The following MSI2 variants were observed in gnomAD, a reference collection of about 807,000 sequenced individuals.
MSI2 encodes RNA-binding protein Musashi homolog 2.
A neutral mutation model predicts 45.6 loss-of-function variants in MSI2; 17 were observed. The ratio of observed to expected loss-of-function variants is 0.37; its 90% CI spans 0.26 to 0.56. The LOEUF (loss-of-function observed/expected upper bound fraction) is 0.56. Ranked by LOEUF, MSI2 falls within the 20% of genes least tolerant of loss-of-function variation. The pLI is 0.77. For synonymous variants in MSI2, 156 were observed against 158.2 expected (o/e 0.99, Z 0.11); for missense variants, 293 against 444.2 (o/e 0.66, Z 3.06).
At chr17:57,359,083 G>C (rs968809458) in intron 5 of MSI2, among the ~76,000 whole-genome samples, 8 of 152,058 alleles carry the variant, frequency 5.3e-5, no homozygotes, top group Non-Finnish European at 1.0e-4. Flanking sequence ...CCAGTGGCAG[G>C]GGCCCCTTCC....
chr17:57,701,500 G>A, the MSI2 span, among the ~76,000 whole-genome samples: 14 of 152,246 alleles, frequency 9.2e-5, no homozygotes, highest in East Asian at 5.8e-4. Context: ...GGTGCTCACC[G>A]GACACTGAAG....
At chr17:57,262,339 G>A (rs1169343096) in intron 5 of MSI2, 147 bp downstream of exon 5, 8 of 778,730 alleles carry the variant, frequency 1.0e-5, no homozygotes, top group Non-Finnish European at 1.4e-5. Context: ...AAGTAGTCCT[G>A]TGAGATAACC....
At chr17:57,414,403 T>G (rs1204778975) in intron 6 of MSI2, among the ~76,000 whole-genome samples, 1 of 152,032 alleles carries the variant, frequency 6.6e-6, no homozygotes, top group Non-Finnish European at 1.5e-5. Flanking sequence ...TTTTTTTTTT[T>G]TTTGAGACAG....
chr17:57,677,382 TG>T (rs1913309027), intron 13 of MSI2, among the ~76,000 whole-genome samples: 1 of 152,208 alleles, frequency 6.6e-6, no homozygotes, highest in Non-Finnish European at 1.5e-5. Flanking sequence ...TGTGGGAAAC[TG>T]GAAGGAGATC....
At chr17:57,292,872 C>T (rs908238806) in intron 5 of MSI2, among the ~76,000 whole-genome samples, 3 of 152,170 alleles carry the variant, frequency 2.0e-5, no homozygotes, top group African/African-American at 4.8e-5. Context: ...AAGAGCCTCC[C>T]TCTCACAGGT....
At position 57,563,746 on chromosome 17, in the gene MSI2, G is replaced by GCGCA. The variant is rs534460755; in HGVS notation, c.455-33121_455-33120insGCAC. 1.6e-3 allele frequency among the ~76,000 whole-genome samples: 227 copies of GCGCA among 139,396 alleles called. 1 individual carries two copies. The highest frequency in any genetic ancestry group is 0.01 in the Middle Eastern group (3 of 288). The allele number at this position is 139,396 out of a possible 152,430, so 91.4% of individuals were successfully genotyped here. Reference sequence around the variant, plus strand: ...TTCCCTCTCACACACACACAGGCGCGCACACACACACACACACACACACAC... The same window carrying GCGCA: ...TTCCCTCTCACACACACACAGGCGCGCGCACACACACACACACACACACACACAC... On this transcript the variant is annotated intron_variant, in intron 7 of 13. Transcript: ENST00000284073.
chr17:57,367,583 C>T (rs1283640183), intron 5 of MSI2, among the ~76,000 whole-genome samples: 2 of 152,168 alleles, frequency 1.3e-5, no homozygotes, highest in Non-Finnish European at 2.9e-5. Flanking sequence ...TTTCCTGTAG[C>T]TTAGGAACAG....
intron 5 of MSI2, chr17:57,285,793 A>T (rs1909820262): frequency 3.0e-6 from 4 of 1,319,744 alleles, no homozygotes; most frequent in Non-Finnish European, 3.9e-6. Flanking sequence ...ATTTTTAGAA[A>T]TGTTTTCTTT....
At chr17:57,690,107 T>A in the MSI2 span, among the ~76,000 whole-genome samples, 1 of 151,728 alleles carries the variant, frequency 6.6e-6, no homozygotes, top group African/African-American at 2.4e-5. Context: ...TTTTTCAGAG[T>A]TCTGGTTACT....
chr17:57,284,937 A>G (rs577545062), intron 5 of MSI2, among the ~76,000 whole-genome samples: 1 of 152,050 alleles, frequency 6.6e-6, no homozygotes, highest in Non-Finnish European at 1.5e-5. Flanking sequence ...AACATTGGTA[A>G]CAATTTATTG....
chr17:57,681,866 T>G lies in MSI2; in HGVS notation c.*2349T>G, dbSNP rs916634415. 1 of 201,250 alleles carries G rather than the reference T, an allele frequency of 5.0e-6. No individual in the cohort carries two copies. The highest frequency in any genetic ancestry group is 1.0e-5 in the Non-Finnish European group (1 of 98,188). 12.5% of individuals were successfully genotyped at this position (201,250 alleles called of 1,614,324 possible). On this transcript the variant is annotated 3_prime_UTR_variant, in exon 14 of 14. Transcript: ENST00000284073. The stretch of plus-strand genomic sequence containing the variant: ...AAATAGTAAATTCCCAGAAATTCAG[T>G]GTTTAGACGAGGGAATTTAATTCCT...
rs1567945640 is a variant in MSI2 at position 57,627,258 on chromosome 17, C to T, written c.682C>T (p.Arg228Cys). The T allele has an allele frequency of 6.8e-6, 11 of 1,614,198 alleles. No homozygotes were observed. Among genetic ancestry groups the T allele is most frequent in the South Asian group, 2.2e-5 (2 of 91,076 alleles). ...TCCCAACTTCGTGGCGACCTATGGC[C>T]GTGGCTACCCCGGATTTGCTCCAAG... ...GYPNFVATYG[R>C]GYPGFAPSYG... is the part of the protein sequence containing the mutation. The change falls in exon 10 of 14, where the codon CGT (arginine) becomes TGT (cysteine). Residue 228 changes from arginine (R) to cysteine (C), a missense_variant. Transcript: ENST00000284073. The surrounding 1 kb of genome is among the most constrained non-coding windows in gnomAD (Gnocchi z 4.6).
chr17:57,580,413 C>T (rs781534172), intron 7 of MSI2, among the ~76,000 whole-genome samples: 1 of 152,214 alleles, frequency 6.6e-6, no homozygotes, highest in Non-Finnish European at 1.5e-5. Context: ...GCCTTGGCCC[C>T]CAGCCTACAG....
At chr17:57,431,816 C>A (rs1192582772) in intron 6 of MSI2, among the ~76,000 whole-genome samples, 2 of 152,178 alleles carry the variant, frequency 1.3e-5, no homozygotes, top group East Asian at 1.9e-4. Flanking sequence ...CTGGGAGGGA[C>A]CCCACTTCAC....
chr17:57,533,750 G>T (rs1347717573), intron 7 of MSI2, among the ~76,000 whole-genome samples: 2 of 152,186 alleles, frequency 1.3e-5, no homozygotes, highest in African/African-American at 4.8e-5. Flanking sequence ...GTTCTTCAGG[G>T]GTCCCCAGCT....
chr17:57,697,551 G>A, the MSI2 span, among the ~76,000 whole-genome samples: 6 of 152,178 alleles, frequency 3.9e-5, no homozygotes, highest in South Asian at 1.2e-3. Context: ...CAGTCACTCG[G>A]TGTATTAGTC....
chr17:57,416,627 G>A (rs1390506187), intron 6 of MSI2, among the ~76,000 whole-genome samples: 4 of 152,296 alleles, frequency 2.6e-5, no homozygotes, highest in South Asian at 2.1e-4. Flanking sequence ...CTCAAAGAGC[G>A]TCTCAGTTTG....
intron 9 of MSI2, among the ~76,000 whole-genome samples, chr17:57,619,660 C>T (rs964757244): frequency 2.6e-5 from 4 of 152,248 alleles, no homozygotes; most frequent in African/African-American, 7.2e-5. Flanking sequence ...GCCTGCAGCT[C>T]GTGGGCAGAC....
At chr17:57,533,503 G>C (rs1218598352) in intron 7 of MSI2, among the ~76,000 whole-genome samples, 1 of 152,202 alleles carries the variant, frequency 6.6e-6, no homozygotes, top group Admixed American at 6.5e-5. Flanking sequence ...GGATTGATGA[G>C]CCCCAGGACC....
Sources: gnomAD v4.1 joint callset for allele counts (sites outside exome capture counted in the v4.1 genomes callset) on GRCh38, gnomAD v4.1.1 for gene constraint, Gnocchi (gnomAD v3.1) non-coding constraint, MANE v1.5 for transcripts, NCBI Gene and HGNC (gene_info 2026-07-23, HGNC 2026-07-21) for gene names.